RCOR1: variants seen among roughly 807,000 people sequenced by gnomAD.
The protein encoded by RCOR1 is REST corepressor 1.
In RCOR1, 12 loss-of-function variants were observed where a neutral mutation model predicts 64.0. The observed-to-expected ratio is 0.19, with a 90% CI of 0.12 to 0.30. The LOEUF (loss-of-function observed/expected upper bound fraction) is 0.30. RCOR1 is among the 10% of genes least tolerant of loss of function. The probability of loss-of-function intolerance (pLI) is 1.00; values close to 1 mark genes in which losing one functional copy is unlikely to be tolerated. For synonymous variants in RCOR1, 279 were observed against 227.2 expected (o/e 1.23, Z -2.05); for missense variants, 502 against 621.2 (o/e 0.81, Z 2.04).
chr14:102,697,371 G>A (rs577096071), intron 3 of RCOR1, among the ~76,000 whole-genome samples: 1 of 152,322 alleles, frequency 6.6e-6, no homozygotes, highest in African/African-American at 2.4e-5. Context: ...TTTGACCCGG[G>A]TCTTTCTTAC....
chr14:102,712,830 C>T (rs1229789350), intron 7 of RCOR1, among the ~76,000 whole-genome samples: 2 of 150,768 alleles, frequency 1.3e-5, no homozygotes, highest in Non-Finnish European at 2.9e-5. Flanking sequence ...TGATGTATTG[C>T]TATTTACTAG....
At chr14:102,712,999 G>T (rs1270773103) in intron 7 of RCOR1, among the ~76,000 whole-genome samples, 1 of 130,650 alleles carries the variant, frequency 7.7e-6, no homozygotes, top group Non-Finnish European at 1.5e-5. Flanking sequence ...CTGTTGCCCA[G>T]GCTGGAGTGC....
Position 102,729,961 on chromosome 14 carries a change from C to G in RCOR1, c.*3455C>G. On this transcript the variant is annotated 3_prime_UTR_variant, in exon 12 of 12. Transcript: ENST00000262241. ...AGATGGACTCCAGGTAGCCAGGTCA[C>G]CTAAACCTAGTGGTCCTGTGCGATG... 2.5e-6 allele frequency: 1 copy of G among 399,088 alleles called. No individual in the cohort carries two copies. The highest frequency in any genetic ancestry group is 4.4e-6 in the Non-Finnish European group (1 of 226,072). The allele number at this position is 399,088 out of a possible 1,614,324, so 24.7% of individuals were successfully genotyped here.
intron 3 of RCOR1, among the ~76,000 whole-genome samples, chr14:102,688,776 C>T (rs1489969294): frequency 6.6e-6 from 1 of 152,200 alleles, no homozygotes; most frequent in Non-Finnish European, 1.5e-5. Flanking sequence ...CCCTATGAGG[C>T]ACTCCGTTGC....
chr14:102,635,798 C>T (rs1894222914), intron 2 of RCOR1, among the ~76,000 whole-genome samples: 1 of 152,226 alleles, frequency 6.6e-6, no homozygotes, highest in Non-Finnish European at 1.5e-5. Flanking sequence ...TATAAACTCC[C>T]AAATTGAGCC....
At chr14:102,679,408 C>A (rs1256242929) in intron 2 of RCOR1, among the ~76,000 whole-genome samples, 1 of 151,198 alleles carries the variant, frequency 6.6e-6, no homozygotes, top group Non-Finnish European at 1.5e-5. Context: ...GCCTTCGTGC[C>A]TTTATGGAAA....
chr14:102,710,881 T>C, intron 6 of RCOR1, 54 bp from the exon 7 acceptor site: 1 of 1,261,514 alleles, frequency 7.9e-7, no homozygotes, highest in Non-Finnish European at 1.1e-6. Context: ...TTATCGTTTG[T>C]ATTCGGAAAA....
intron 4 of RCOR1, 63 bp downstream of exon 4, chr14:102,701,393 A>G (rs951778954): frequency 1.8e-5 from 23 of 1,293,184 alleles, no homozygotes; most frequent in African/African-American, 6.2e-5. Context: ...AAATAATTAT[A>G]TTTTTTTCTT....
intron 2 of RCOR1, among the ~76,000 whole-genome samples, chr14:102,616,647 C>T (rs1595196093): frequency 6.6e-6 from 1 of 152,050 alleles, no homozygotes. Flanking sequence ...GAAATGGTCC[C>T]TAGCACTGGC....
chr14:102,723,636 A>AT (rs1352781571), intron 11 of RCOR1, among the ~76,000 whole-genome samples: 1 of 151,928 alleles, frequency 6.6e-6, no homozygotes, highest in Non-Finnish European at 1.5e-5. Context: ...TTCAGCAGTG[A>AT]TTTTTTTCTT....
intron 2 of RCOR1, among the ~76,000 whole-genome samples, chr14:102,679,863 A>G (rs1408078335): frequency 1.3e-5 from 2 of 152,228 alleles, no homozygotes; most frequent in Non-Finnish European, 2.9e-5. Flanking sequence ...TAAGTCTTCC[A>G]ACTTTGCTCT....
chr14:102,675,453 A>C lies in RCOR1; in HGVS notation c.362-6442A>C, dbSNP rs55723342. 6.0e-3 allele frequency among the ~76,000 whole-genome samples: 908 copies of C among 152,334 alleles called. 9 individuals carry two copies. Among genetic ancestry groups the C allele is most frequent in the African/African-American group, 0.021 (875 of 41,566 alleles). ...ATTATAACAATATGCCAACATCGCC[A>C]ATACTTTGGGGCTGTTAGTAAGTAA... On this transcript the variant is annotated intron_variant, in intron 2 of 11. Transcript: ENST00000262241.
intron 2 of RCOR1, chr14:102,656,162 C>T (rs1322341528): frequency 2.1e-6 from 2 of 954,918 alleles, no homozygotes; most frequent in African/African-American, 1.8e-5. Context: ...TTTTTGGAGA[C>T]AGAGTCTCGC....
rs142195409 is a variant in RCOR1, at chr14:102,673,892, G to A, written c.362-8003G>A. 6.1e-3 allele frequency among the ~76,000 whole-genome samples: 924 copies of A among 152,358 alleles called. 9 individuals carry two copies. The highest frequency in any genetic ancestry group is 0.021 in the African/African-American group (891 of 41,586). ...CGCCTCGCCAAGTGCTGGGATTACA[G>A]GGGTGAGCCACCGCGCCCAGCCCCC... On this transcript the variant is annotated intron_variant, in intron 2 of 11. Transcript: ENST00000262241.
intron 2 of RCOR1, among the ~76,000 whole-genome samples, chr14:102,654,742 A>G (rs940488567): frequency 1.3e-5 from 2 of 151,582 alleles, no homozygotes; most frequent in Admixed American, 6.6e-5. Flanking sequence ...AAGAAAAAAA[A>G]TATAGAATTG....
At chr14:102,613,885 CTTTTT>C (rs71119719) in intron 2 of RCOR1, among the ~76,000 whole-genome samples, 2 of 55,510 alleles carry the variant, frequency 3.6e-5, no homozygotes, top group African/African-American at 6.5e-5. Flanking sequence ...ATTAACTATT[CTTTTT>C]TTTTTTTTTT....
intron 7 of RCOR1, among the ~76,000 whole-genome samples, chr14:102,712,994 G>T (rs1232942434): frequency 1.9e-5 from 2 of 103,336 alleles, no homozygotes; most frequent in Non-Finnish European, 3.5e-5. Flanking sequence ...TTGCTCTGTT[G>T]CCCAGGCTGG....
intron 8 of RCOR1, among the ~76,000 whole-genome samples, chr14:102,719,647 A>C (rs534360124): frequency 2.6e-5 from 4 of 152,340 alleles, no homozygotes; most frequent in Admixed American, 2.6e-4. Flanking sequence ...GATACGGAAA[A>C]TGCATCAGGA....
chr14:102,669,931 C>T (rs372869945), intron 2 of RCOR1, among the ~76,000 whole-genome samples: 33 of 152,202 alleles, frequency 2.2e-4, no homozygotes, highest in East Asian at 2.1e-3. Context: ...TATGGGTGGC[C>T]AGTCCATACA....
Sources: allele counts gnomAD v4.1 joint callset (sites outside exome capture counted in the v4.1 genomes callset), GRCh38; gene constraint gnomAD v4.1.1; transcripts MANE v1.5; gene names NCBI Gene and HGNC (gene_info 2026-07-23, HGNC 2026-07-21).